The following DBF4B variants were observed in gnomAD, a reference collection of about 807,000 sequenced individuals.
DBF4B encodes DBF4B-CDC7 kinase regulatory subunit.
Under a neutral mutation model 53.4 loss-of-function variants are expected in DBF4B, and 49 were observed. The observed-to-expected ratio is 0.92, with a 90% confidence interval of 0.73 to 1.16. The LOEUF (loss-of-function observed/expected upper bound fraction) is 1.16. Among genes scored for constraint, DBF4B ranks in the 50% most tolerant of loss-of-function variants. DBF4B has a pLI of 0.00. For missense variants in DBF4B, 692 were observed against 775.0 expected (o/e 0.89, Z 1.27); for synonymous variants, 257 against 288.7 (o/e 0.89, Z 1.11).
chr17:44,747,613 C>T (rs893584555), intron 12 of DBF4B, 98 bp downstream of exon 12: 1 of 1,471,390 alleles, frequency 6.8e-7, no homozygotes. Context: ...TGGGACCAGA[C>T]TGTGATGTTT....
chr17:44,731,880 C>A, intron 5 of DBF4B: 1 of 316,522 alleles, frequency 3.2e-6, no homozygotes. Flanking sequence ...TCGCAGAGGC[C>A]CTCCCAACGA....
intron 3 of DBF4B, among the ~76,000 whole-genome samples, chr17:44,727,580 G>A (rs1415720056): frequency 1.3e-5 from 2 of 152,162 alleles, no homozygotes; most frequent in African/African-American, 4.8e-5. Context: ...ATAGAATGAG[G>A]ATTATATAAC....
chr17:44,741,480 A>C, intron 10 of DBF4B, 28 bp downstream of exon 10: 1 of 1,499,102 alleles, frequency 6.7e-7, no homozygotes, highest in Non-Finnish European at 9.1e-7. Flanking sequence ...CTGAGTACCA[A>C]GGGCTGGTTA....
chr17:44,718,311 T>TA (rs755792503), intron 2 of DBF4B, among the ~76,000 whole-genome samples: 5 of 150,666 alleles, frequency 3.3e-5, no homozygotes, highest in Non-Finnish European at 7.4e-5. Flanking sequence ...TAGTCCCAGC[T>TA]ACTTGGGAGG....
Position 44,734,251 on chromosome 17 carries a change from C to T in DBF4B, c.630+88C>T, listed in dbSNP as rs61688626. On this transcript the variant is annotated intron_variant, in intron 7 of 13. Transcript: ENST00000315005. Reference sequence around the variant, plus strand: ...AGGTAAATCCATGGCCCACCCAAACCATCTCTTCCTGGCCATTCTGAAAGA... The same window carrying T: ...AGGTAAATCCATGGCCCACCCAAACTATCTCTTCCTGGCCATTCTGAAAGA... The T allele has an allele frequency of 6.1e-4, 922 of 1,521,620 alleles. 5 individuals are homozygous for T. In the African/African-American group the frequency reaches 0.011, roughly 18 times the overall value. The allele number at this position is 1,521,620 out of a possible 1,614,324, so 94.3% of individuals were successfully genotyped here.
At chr17:44,729,766 G>C (rs952602976) in intron 3 of DBF4B, 139 bp from the exon 4 acceptor site, 2 of 815,928 alleles carry the variant, frequency 2.5e-6, no homozygotes, top group African/African-American at 3.5e-5. Context: ...TAGGAACTTG[G>C]TATGAAACTG....
rs781426223 is a variant in DBF4B, at chr17:44,749,299, G to C, written c.1189+834G>C. On this transcript the variant is annotated intron_variant, in intron 13 of 13. Transcript: ENST00000315005. This position sits in a 1 kb window ranked among gnomAD's most constrained non-coding sequence, Gnocchi z 4.4. ...CCAGCCCCAGCCCCATGCTGGCAGA[G>C]AGCTGCTCCTACGAGTCCCCAAGGT... 259 of 1,290,244 alleles carry C rather than the reference G, an allele frequency of 2.0e-4. 1 individual carries two copies. Among genetic ancestry groups the C allele is most frequent in the Non-Finnish European group, 9.7e-5 (96 of 988,852 alleles). The allele number at this position is 1,290,244 out of a possible 1,614,324, so 79.9% of individuals were successfully genotyped here.
chr17:44,732,383 C>T, intron 6 of DBF4B, 118 bp downstream of exon 6: 1 of 1,077,796 alleles, frequency 9.3e-7, no homozygotes, highest in Non-Finnish European at 1.4e-6. Flanking sequence ...CAGAAATACT[C>T]AGCTGCCATG....
intron 2 of DBF4B, among the ~76,000 whole-genome samples, chr17:44,713,671 T>G (rs558432147): frequency 6.6e-6 from 1 of 151,378 alleles, no homozygotes; most frequent in South Asian, 2.1e-4. Flanking sequence ...AAACAAAACA[T>G]TATTCATCAC....
At chr17:44,736,510 T>C (rs1382828247) in intron 7 of DBF4B, among the ~76,000 whole-genome samples, 1 of 152,208 alleles carries the variant, frequency 6.6e-6, no homozygotes, top group Non-Finnish European at 1.5e-5. Flanking sequence ...ACTCTTCACA[T>C]TGCAGGTGGC....
Position 44,751,041 on chromosome 17 carries a change from C to G in DBF4B, c.1636C>G (p.Leu546Val). The part of the protein sequence containing the change: ...CPCLRLGYLY[L>V]LLTQSLWCRV... ...CTGTCTCAGACTTGGATACCTTTAC[C>G]TGCTGCTCACACAAAGCCTGTGGTG... The change falls in exon 14 of 14, where the codon CTG (leucine) becomes GTG (valine). Residue 546 changes from leucine (L) to valine (V), a missense_variant. By Grantham distance (32) the Leu-to-Val change is conservative. Around this residue, in one of 3 missense-constraint regions of DBF4B, gnomAD observed 597 missense variants for 665.8 expected, o/e 0.90. Coordinates refer to ENST00000315005, the MANE Select transcript of DBF4B (RefSeq NM_145663.3). The G allele has an allele frequency of 1.2e-6, 2 of 1,614,182 alleles. No individual in the cohort carries two copies. Among genetic ancestry groups the G allele is most frequent in the Non-Finnish European group, 1.7e-6 (2 of 1,180,034 alleles).
intron 10 of DBF4B, among the ~76,000 whole-genome samples, chr17:44,744,861 A>G (rs1015082650): frequency 2.6e-5 from 4 of 152,062 alleles, no homozygotes; most frequent in African/African-American, 9.6e-5. Flanking sequence ...GGTTGTTTGA[A>G]TCTCTTTTTA....
intron 8 of DBF4B, among the ~76,000 whole-genome samples, chr17:44,737,407 T>C (rs1001107839): frequency 6.6e-6 from 1 of 152,222 alleles, no homozygotes; most frequent in African/African-American, 2.4e-5. Context: ...TCTCTCATGC[T>C]CAAAATTCAA....
At chr17:44,722,497 GCTAGAAAGCATCCTC>G (rs1973938861) in intron 2 of DBF4B, among the ~76,000 whole-genome samples, 2 of 152,192 alleles carry the variant, frequency 1.3e-5, no homozygotes, top group Admixed American at 1.3e-4. Flanking sequence ...ACTCAGCACA[GCTAGAAAGCATCCTC>G]CTGCCTGGCA....
chr17:44,721,216 T>TCCC (rs11441095), intron 2 of DBF4B, among the ~76,000 whole-genome samples: 22 of 118,108 alleles, frequency 1.9e-4, no homozygotes, highest in South Asian at 8.5e-4. Flanking sequence ...AACTAATTCT[T>TCCC]CCCCCCCCCT....
Position 44,749,927 on chromosome 17 carries a change from T to C in DBF4B, c.1190-668T>C. 9.7e-7 allele frequency: 1 copy of C among 1,026,562 alleles called. No individual in the cohort carries two copies. The highest frequency in any genetic ancestry group is 1.2e-6 in the Non-Finnish European group (1 of 854,150). 63.6% of individuals were successfully genotyped at this position (1,026,562 alleles called of 1,614,324 possible). A position where few individuals can be genotyped will look rare whatever the true frequency, so the allele number is the denominator to read the frequency against. On this transcript the variant is annotated intron_variant, in intron 13 of 13. Coordinates refer to ENST00000315005, the MANE Select transcript of DBF4B (RefSeq NM_145663.3). This position sits in a 1 kb window ranked among gnomAD's most constrained non-coding sequence, Gnocchi z 4.4. ...CCGCACACAGATCCTCAGGAACATA[T>C]GAAGCAGAGGAGGGGCTTGGGCTGC...
chr17:44,736,067 C>T (rs968503625), intron 7 of DBF4B, among the ~76,000 whole-genome samples: 2 of 152,060 alleles, frequency 1.3e-5, no homozygotes, highest in African/African-American at 4.8e-5. Context: ...CTGCAACCTC[C>T]ACCTCCTGGG....
chr17:44,710,231 C>T (rs982736831), intron 2 of DBF4B, among the ~76,000 whole-genome samples: 4 of 152,162 alleles, frequency 2.6e-5, no homozygotes, highest in Non-Finnish European at 4.4e-5. Flanking sequence ...ACAGATATGC[C>T]ATCGGCTTGT....
intron 2 of DBF4B, chr17:44,720,180 T>C: frequency 2.7e-6 from 1 of 363,752 alleles, no homozygotes; most frequent in Admixed American, 3.3e-5. Flanking sequence ...TGATGCTGGA[T>C]CGCAGTTTTC....
Sources: gnomAD v4.1 joint callset for allele counts (sites outside exome capture counted in the v4.1 genomes callset) on GRCh38, gnomAD v4.1.1 for gene constraint, gnomAD v4.1.1 regional missense constraint, Gnocchi (gnomAD v3.1) non-coding constraint, MANE v1.5 for transcripts, NCBI Gene and HGNC (gene_info 2026-07-23, HGNC 2026-07-21) for gene names.